Variants in COL18A1 observed in about 807,000 individuals in gnomAD.
The protein encoded by COL18A1 is collagen type XVIII alpha 1 chain.
In COL18A1, 133 loss-of-function variants were observed where a neutral mutation model predicts 168.0. That is an observed-to-expected ratio of 0.79 (90% CI 0.69 to 0.91). The LOEUF (loss-of-function observed/expected upper bound fraction) is 0.91. Ranked by LOEUF, COL18A1 falls within the 40% of genes least tolerant of loss-of-function variation. COL18A1 has a pLI of 0.00. For missense variants in COL18A1, 2,126 were observed against 1,925.4 expected, an observed-to-expected ratio of 1.10 and a Z score of -1.95; for synonymous variants, 949 against 809.0, an observed-to-expected ratio of 1.17 and a Z score of -2.94.
rs2035944361 is a variant in COL18A1, at chr21:45,482,733, C to T, written c.1675-62C>T. ...GCACAGTTCCTGGCAGGGCGATGTG[C>T]CTTCCTCTGTCCACTGTGCTGCAAG... On this transcript the variant is annotated intron_variant, in intron 14 of 41. Coordinates refer to ENST00000651438, the MANE Select transcript of COL18A1 (RefSeq NM_001379500.1). 7 of 1,613,660 alleles carry T rather than the reference C, an allele frequency of 4.3e-6. No individual in the cohort carries two copies. The South Asian group carries it at 4.4e-5, about 10-fold the overall frequency.
intron 2 of COL18A1, among the ~76,000 whole-genome samples, chr21:45,444,010 C>T (rs371795479): frequency 8.5e-5 from 13 of 152,182 alleles, no homozygotes; most frequent in African/African-American, 2.9e-4. Context: ...CATGTTGCCA[C>T]GCAAGAATTC....
rs1356028405 is a variant in COL18A1, at chr21:45,463,537, G to A, written c.107-4705G>A. Among the ~76,000 whole-genome samples the A allele has an allele frequency of 1.3e-5, 2 of 152,216 alleles. No individual in the cohort carries two copies. The highest frequency in any genetic ancestry group is 3.2e-3 in the Middle Eastern group (1 of 316). On this transcript the variant is annotated intron_variant, in intron 2 of 41. Coordinates refer to ENST00000651438, the MANE Select transcript of COL18A1 (RefSeq NM_001379500.1). The surrounding 1 kb of genome is among the most constrained non-coding windows in gnomAD (Gnocchi z 4.0). ...AATTAGTTGGGGAGATGGATTCCTG[G>A]CGCTTTCCATCTGCCATTTACCAGA...
intron 2 of COL18A1, chr21:45,421,083 C>A (rs772591607): frequency 1.3e-4 from 32 of 249,278 alleles, no homozygotes; most frequent in Non-Finnish European, 2.1e-4. Flanking sequence ...GCCTCGAGGT[C>A]CTGCACTGGT....
intron 2 of COL18A1, among the ~76,000 whole-genome samples, chr21:45,411,125 A>G (rs548511448): frequency 6.6e-6 from 1 of 152,312 alleles, no homozygotes; most frequent in Non-Finnish European, 1.5e-5. Context: ...AGACAGGGGT[A>G]GTGTCCCAGG....
intron 32 of COL18A1, among the ~76,000 whole-genome samples, chr21:45,501,663 G>A (rs983466558): frequency 6.6e-5 from 10 of 151,174 alleles, no homozygotes; most frequent in Admixed American, 1.3e-4. Flanking sequence ...CTCCACAGCC[G>A]GTCACCTCCC....
intron 2 of COL18A1, among the ~76,000 whole-genome samples, chr21:45,412,403 A>ATT (rs770343136): frequency 7.1e-6 from 1 of 140,342 alleles, no homozygotes; most frequent in Non-Finnish European, 1.6e-5. Flanking sequence ...CGCCTGGCTA[A>ATT]TTTTTTTTTT....
intron 25 of COL18A1, 116 bp downstream of exon 25, chr21:45,493,341 G>T: frequency 1.5e-6 from 2 of 1,318,264 alleles, no homozygotes; most frequent in South Asian, 2.5e-5. Context: ...GCTGTGACAC[G>T]TGAGGGGTAC....
intron 2 of COL18A1, among the ~76,000 whole-genome samples, chr21:45,437,780 ACTCACT>A (rs779783833): frequency 3.2e-5 from 2 of 61,662 alleles, no homozygotes; most frequent in Admixed American, 1.4e-4. Flanking sequence ...ACACACACAC[ACTCACT>A]CACACACAGA....
At chr21:45,478,052 G>T in intron 8 of COL18A1, 87 bp downstream of exon 8, 1 of 801,782 alleles carries the variant, frequency 1.2e-6, no homozygotes. Flanking sequence ...CGACATGGGA[G>T]TGAGCTGAGC....
chr21:45,508,529 G>C (rs551959195), intron 38 of COL18A1, among the ~76,000 whole-genome samples: 1 of 152,184 alleles, frequency 6.6e-6, no homozygotes, highest in South Asian at 2.1e-4. Flanking sequence ...TGGATGGGTG[G>C]GTGGATGGAT....
At chr21:45,430,217 G>A (rs185595207) in intron 2 of COL18A1, among the ~76,000 whole-genome samples, 5 of 151,200 alleles carry the variant, frequency 3.3e-5, no homozygotes, top group East Asian at 1.9e-4. Flanking sequence ...GCACCCTCTC[G>A]CCCTCTCCTG....
chr21:45,479,561 A>C (rs1173803631), intron 9 of COL18A1, among the ~76,000 whole-genome samples: 1 of 114,236 alleles, frequency 8.8e-6, no homozygotes, highest in Non-Finnish European at 1.8e-5. Context: ...TACATATCAC[A>C]CATGTACACA....
chr21:45,440,178 T>G (rs1196478613), intron 2 of COL18A1, among the ~76,000 whole-genome samples: 2 of 152,246 alleles, frequency 1.3e-5, no homozygotes, highest in East Asian at 3.9e-4. Context: ...GCTGTGTGAC[T>G]GCTCCGCACC....
chr21:45,489,589 C>A (rs375572725), intron 19 of COL18A1, 68 bp downstream of exon 19: 3 of 1,073,936 alleles, frequency 2.8e-6, no homozygotes, highest in Non-Finnish European at 4.1e-6. Flanking sequence ...CGGACACCTG[C>A]GGAGATCAGC....
intron 2 of COL18A1, among the ~76,000 whole-genome samples, chr21:45,461,189 C>G (rs954259885): frequency 1.3e-5 from 2 of 152,110 alleles, no homozygotes; most frequent in Non-Finnish European, 1.5e-5. Flanking sequence ...ACTTTGTACC[C>G]TTCGACCAAC....
At chr21:45,488,568 C>T (rs1189101562) in intron 18 of COL18A1, 124 bp downstream of exon 18, 21 of 1,446,850 alleles carry the variant, frequency 1.5e-5, no homozygotes, top group Admixed American at 1.8e-5. Context: ...TGAATTCATC[C>T]TGGGAAGTTT....
At chr21:45,460,629 G>T (rs1274031743) in intron 2 of COL18A1, among the ~76,000 whole-genome samples, 1 of 152,244 alleles carries the variant, frequency 6.6e-6, no homozygotes, top group African/African-American at 2.4e-5. Flanking sequence ...TTAGTCAAAT[G>T]CAGAATTTGA....
chr21:45,509,545 C>A lies in COL18A1; in HGVS notation c.3439C>A (p.Arg1147=). The change falls in exon 39 of 42, where the codon CGG becomes AGG. Residue 1147 remains arginine (R), a synonymous_variant. Coordinates refer to ENST00000651438, the MANE Select transcript of COL18A1 (RefSeq NM_001379500.1). The stretch of plus-strand genomic sequence containing the variant: ...GCACCACAGCTCCTACGTGCACCTG[C>A]GGCCGGCGCGACCCACAAGCCCACC... ...APHHSSYVHL[R]PARPTSPPAH... 2 of 1,535,554 alleles carry A rather than the reference C, an allele frequency of 1.3e-6. No individual in the cohort carries two copies. Among genetic ancestry groups the A allele is most frequent in the Middle Eastern group, 1.8e-4 (1 of 5,622 alleles).
intron 41 of COL18A1, among the ~76,000 whole-genome samples, chr21:45,511,892 C>A (rs1267619301): frequency 1.3e-5 from 2 of 152,220 alleles, no homozygotes; most frequent in Non-Finnish European, 2.9e-5. Context: ...CCACAGGAAG[C>A]CTCTGCTCAG....
Sources: allele counts gnomAD v4.1 joint callset (sites outside exome capture counted in the v4.1 genomes callset), GRCh38; gene constraint gnomAD v4.1.1; non-coding constraint Gnocchi (gnomAD v3.1); transcripts MANE v1.5; gene names NCBI Gene and HGNC (gene_info 2026-07-23, HGNC 2026-07-21).